The following DRC8 variants were observed in gnomAD, a reference collection of about 807,000 sequenced individuals.
The protein encoded by DRC8 is dynein regulatory complex subunit 8, also known as dynein regulatory complex protein 8.
the DRC8 span, among the ~76,000 whole-genome samples, chr1:245,000,629 A>G: frequency 1.3e-5 from 2 of 152,192 alleles, no homozygotes; most frequent in East Asian, 3.9e-4. Flanking sequence ...AAATACAAAA[A>G]AATTAGCTGG....
At chr1:244,974,388 A>G in the DRC8 span, among the ~76,000 whole-genome samples, 2 of 152,210 alleles carry the variant, frequency 1.3e-5, no homozygotes, top group African/African-American at 4.8e-5. Context: ...GCAGATATTA[A>G]AAGCTCACTC....
chr1:244,989,688 T>C, the DRC8 span, among the ~76,000 whole-genome samples: 22 of 152,200 alleles, frequency 1.4e-4, no homozygotes, highest in African/African-American at 5.3e-4. Flanking sequence ...AAGTCATATG[T>C]GCAGCCCACA....
At chr1:245,055,281 C>T in the DRC8 span, among the ~76,000 whole-genome samples, 1 of 152,092 alleles carries the variant, frequency 6.6e-6, no homozygotes, top group Non-Finnish European at 1.5e-5. Context: ...AACTTTTTTA[C>T]TTCCTTTTTA....
At chr1:245,031,617 A>G in the DRC8 span, among the ~76,000 whole-genome samples, 4 of 152,142 alleles carry the variant, frequency 2.6e-5, no homozygotes, top group African/African-American at 4.8e-5. Context: ...AGCCGTCTCC[A>G]TGACTATTGT....
chr1:245,098,382 G>A, the DRC8 span, among the ~76,000 whole-genome samples: 1 of 152,156 alleles, frequency 6.6e-6, no homozygotes, highest in Non-Finnish European at 1.5e-5. Flanking sequence ...CCTAAAGAGG[G>A]AGGGTGAGTA....
the DRC8 span, among the ~76,000 whole-genome samples, chr1:245,078,067 A>G: frequency 6.6e-6 from 1 of 152,160 alleles, no homozygotes; most frequent in South Asian, 2.1e-4. Flanking sequence ...ACATTTTTTC[A>G]AAGGTGATGT....
chr1:245,030,712 G>A, the DRC8 span: 2 of 152,312 alleles, frequency 1.3e-5, no homozygotes, highest in Non-Finnish European at 2.9e-5. Context: ...CTACTCCTTT[G>A]CGTCTACCTC....
the DRC8 span, among the ~76,000 whole-genome samples, chr1:245,110,293 A>C: frequency 6.6e-6 from 1 of 152,224 alleles, no homozygotes; most frequent in Non-Finnish European, 1.5e-5. Flanking sequence ...CTGAGGCAGG[A>C]GAATCACTTG....
At chr1:244,970,183 CGGGTGG>C in the DRC8 span, 1 of 713,752 alleles carries the variant, frequency 1.4e-6, no homozygotes, top group Non-Finnish European at 2.5e-6. Flanking sequence ...GGCCGGGGGC[CGGGTGG>C]CAGACGGGGC....
chr1:245,125,226 A>G, the DRC8 span: 2 of 152,210 alleles, frequency 1.3e-5, no homozygotes, highest in African/African-American at 4.8e-5. Context: ...GTTTTTCACC[A>G]TTACTGCTGT....
the DRC8 span, among the ~76,000 whole-genome samples, chr1:244,990,253 T>C: frequency 1.3e-5 from 2 of 152,242 alleles, no homozygotes; most frequent in African/African-American, 4.8e-5. Flanking sequence ...ATAAGATATT[T>C]TGAGAGAGGC....
chr1:245,065,423 G>C, the DRC8 span, among the ~76,000 whole-genome samples: 69,738 of 151,858 alleles, frequency 0.46, 16,464 homozygotes, highest in African/African-American at 0.51. Flanking sequence ...CTTGAACTTT[G>C]TCTTCCAATA....
the DRC8 span, among the ~76,000 whole-genome samples, chr1:245,084,659 C>G: frequency 6.6e-6 from 1 of 152,126 alleles, no homozygotes; most frequent in African/African-American, 2.4e-5. Context: ...ATATTGGTCC[C>G]CTTGCCTTCT....
chr1:245,059,092 G>A, the DRC8 span, among the ~76,000 whole-genome samples: 1 of 152,198 alleles, frequency 6.6e-6, no homozygotes, highest in Non-Finnish European at 1.5e-5. Flanking sequence ...GCTCAAAAGA[G>A]TTAAGTAACA....
the DRC8 span, among the ~76,000 whole-genome samples, chr1:245,094,180 CT>C: frequency 6.6e-6 from 1 of 152,040 alleles, no homozygotes; most frequent in African/African-American, 2.4e-5. Flanking sequence ...TTTAAGTTTT[CT>C]TAGTTCTTCT....
the DRC8 span, among the ~76,000 whole-genome samples, chr1:245,057,899 T>C: frequency 1.3e-5 from 2 of 152,182 alleles, no homozygotes; most frequent in Non-Finnish European, 2.9e-5. Context: ...TCTATCTAAC[T>C]AATATATTTG....
the DRC8 span, chr1:244,970,194 C>T: frequency 1.4e-6 from 1 of 725,002 alleles, no homozygotes; most frequent in Non-Finnish European, 2.5e-6. Flanking sequence ...GGGTGGCAGA[C>T]GGGGCCTCTG....
the DRC8 span, among the ~76,000 whole-genome samples, chr1:244,989,293 A>T: frequency 6.6e-6 from 1 of 152,098 alleles, no homozygotes; most frequent in African/African-American, 2.4e-5. Flanking sequence ...ATTTTTACCT[A>T]ATGTCCTTTT....
the DRC8 span, among the ~76,000 whole-genome samples, chr1:245,104,427 C>T: frequency 6.6e-6 from 1 of 151,796 alleles, no homozygotes; most frequent in Non-Finnish European, 1.5e-5. Context: ...TCACTTGAAC[C>T]TGGGAGGCGG....
Sources: allele counts gnomAD v4.1 joint callset (sites outside exome capture counted in the v4.1 genomes callset), GRCh38; gene constraint gnomAD v4.1.1; transcripts MANE v1.5; gene names NCBI Gene and HGNC (gene_info 2026-07-23, HGNC 2026-07-21).